APPL1: variants seen among roughly 807,000 people sequenced by gnomAD.
APPL1 encodes the protein adaptor protein, phosphotyrosine interacting with PH domain and leucine zipper 1, also known as DCC-interacting protein 13-alpha.
Under a neutral mutation model 106.8 loss-of-function variants are expected in APPL1, and 42 were observed. The ratio of observed to expected loss-of-function variants is 0.39; its 90% CI spans 0.31 to 0.51. The LOEUF (loss-of-function observed/expected upper bound fraction) is 0.51. Among genes scored for constraint, APPL1 ranks in the 20% least tolerant of loss-of-function variants. The pLI is 0.75. For synonymous variants in APPL1, 263 were observed against 281.8 expected, an observed-to-expected ratio of 0.93 and a Z score of 0.67; for missense variants, 769 against 858.2, an observed-to-expected ratio of 0.90 and a Z score of 1.30.
chr3:57,241,156 T>A (rs1374194245), intron 5 of APPL1, among the ~76,000 whole-genome samples: 2 of 152,138 alleles, frequency 1.3e-5, no homozygotes, highest in Non-Finnish European at 2.9e-5. Context: ...AGAGACACAA[T>A]TCCTTTGGAG....
intron 8 of APPL1, 112 bp downstream of exon 8, chr3:57,246,334 G>C: frequency 1.3e-6 from 1 of 780,074 alleles, no homozygotes; most frequent in Non-Finnish European, 1.8e-6. Context: ...CCTTGTTTAT[G>C]TCTGTGTTTT....
chr3:57,262,813 G>GGTGT (rs4060605), intron 19 of APPL1, among the ~76,000 whole-genome samples: 291 of 142,740 alleles, frequency 2.0e-3, no homozygotes, highest in Middle Eastern at 7.3e-3. Flanking sequence ...GGGTACAAGG[G>GGTGT]GTGTGTGTGT....
At position 57,247,539 on chromosome 3, in the gene APPL1, A is replaced by G. The variant is rs756359927; in HGVS notation, c.704+62A>G. The G allele has an allele frequency of 8.6e-6, 9 of 1,042,966 alleles. No homozygotes were observed. In the Admixed American group the frequency reaches 1.9e-4, roughly 22 times the overall value. 64.6% of individuals were successfully genotyped at this position (1,042,966 alleles called of 1,614,324 possible). Reference sequence around the variant, plus strand: ...ATGTGAATGATAACAGCTCAATGACATAATGTAAAGATATTTATCATTTAC... The same window carrying G: ...ATGTGAATGATAACAGCTCAATGACGTAATGTAAAGATATTTATCATTTAC... On this transcript the variant is annotated intron_variant, in intron 9 of 21. Coordinates refer to ENST00000288266, the MANE Select transcript of APPL1 (RefSeq NM_012096.3).
At chr3:57,249,940 C>T (rs1433659809) in intron 11 of APPL1, among the ~76,000 whole-genome samples, 4 of 148,324 alleles carry the variant, frequency 2.7e-5, no homozygotes, top group East Asian at 4.2e-4. Flanking sequence ...AACCCCTCTC[C>T]GCTCCATTTT....
intron 19 of APPL1, among the ~76,000 whole-genome samples, chr3:57,264,586 A>T (rs1240890842): frequency 6.6e-6 from 1 of 150,636 alleles, no homozygotes; most frequent in Non-Finnish European, 1.5e-5. Flanking sequence ...AAAAAATAAA[A>T]AAAAATTTTT....
At chr3:57,258,931 T>A in intron 15 of APPL1, 97 bp from the exon 16 acceptor site, 2 of 929,310 alleles carry the variant, frequency 2.2e-6, no homozygotes, top group Non-Finnish European at 3.3e-6. Context: ...TAGAGCTTTT[T>A]TTTTTTAAAT....
At chr3:57,254,008 G>A (rs180733785) in intron 13 of APPL1, among the ~76,000 whole-genome samples, 54 of 152,170 alleles carry the variant, frequency 3.5e-4, no homozygotes, top group Non-Finnish European at 5.9e-4. Flanking sequence ...GATTACAGGC[G>A]TGTGCCATGA....
At chr3:57,235,372 C>G (rs908823035) in intron 1 of APPL1, among the ~76,000 whole-genome samples, 194 bp from the exon 2 acceptor site, 2 of 151,980 alleles carry the variant, frequency 1.3e-5, no homozygotes, top group African/African-American at 2.4e-5. Flanking sequence ...GAAAATACCT[C>G]TGCTTTGTTG....
chr3:57,247,333 A>G (rs2060779353), intron 8 of APPL1, 62 bp from the exon 9 acceptor site: 1 of 906,356 alleles, frequency 1.1e-6, no homozygotes, highest in Non-Finnish European at 1.8e-6. Flanking sequence ...TATATGATTT[A>G]CTTTAAGTAT....
intron 21 of APPL1, 126 bp downstream of exon 21, chr3:57,268,613 A>T (rs2060911844): frequency 5.4e-6 from 6 of 1,108,058 alleles, no homozygotes; most frequent in East Asian, 2.5e-5. Context: ...TCATAAACAG[A>T]TGATTCATAC....
chr3:57,250,831 G>T (rs1174020819), intron 11 of APPL1, among the ~76,000 whole-genome samples: 2 of 119,406 alleles, frequency 1.7e-5, no homozygotes, highest in Non-Finnish European at 3.3e-5. Context: ...TTTTTGAGAC[G>T]GAGTCTCGCT....
At chr3:57,254,718 G>A (rs372858024) in intron 13 of APPL1, among the ~76,000 whole-genome samples, 68 of 152,256 alleles carry the variant, frequency 4.5e-4, no homozygotes, top group African/African-American at 1.3e-3. Context: ...TCTGCCTCCC[G>A]GGTTCAAGCG....
intron 19 of APPL1, among the ~76,000 whole-genome samples, chr3:57,261,329 T>C (rs985705019): frequency 3.3e-5 from 5 of 152,250 alleles, no homozygotes; most frequent in African/African-American, 1.2e-4. Flanking sequence ...ATTGTGTATA[T>C]GTACCACATT....
intron 19 of APPL1, among the ~76,000 whole-genome samples, chr3:57,263,789 T>C (rs2060880654): frequency 6.6e-6 from 1 of 151,790 alleles, no homozygotes; most frequent in Admixed American, 6.6e-5. Flanking sequence ...TCCATTCATC[T>C]GTTGATGGAC....
At chr3:57,251,358 T>G (rs1450876906) in intron 11 of APPL1, among the ~76,000 whole-genome samples, 1 of 151,372 alleles carries the variant, frequency 6.6e-6, no homozygotes, top group Non-Finnish European at 1.5e-5. Flanking sequence ...ATCCAGTCTC[T>G]ACTAAAAATA....
At chr3:57,258,771 T>G (rs972402333) in intron 15 of APPL1, 1 of 332,028 alleles carries the variant, frequency 3.0e-6, no homozygotes, top group Non-Finnish European at 5.4e-6. Context: ...CATGGTTTAT[T>G]ATGTTGATTT....
intron 13 of APPL1, among the ~76,000 whole-genome samples, chr3:57,255,014 A>G (rs1160736092): frequency 6.6e-6 from 1 of 152,238 alleles, no homozygotes; most frequent in Non-Finnish European, 1.5e-5. Flanking sequence ...ATGATTCAGT[A>G]TGTCTGGGGT....
In APPL1 at chr3:57,240,553, G is replaced by C; in HGVS notation, c.373+1G>C. On this transcript the variant is annotated splice_donor_variant, in intron 5 of 21. Transcript: ENST00000288266. LOFTEE classifies it high-confidence loss of function. ...CAGTTTAAAGAAAGAGATCTGAAAG[G>C]TATTGAAGTCAAGCTTATGTTTACT... The C allele has an allele frequency of 6.2e-7, 1 of 1,611,704 alleles. No individual in the cohort carries two copies. Among genetic ancestry groups the C allele is most frequent in the South Asian group, 1.1e-5 (1 of 91,046 alleles).
Position 57,248,217 on chromosome 3 carries a change from T to G in APPL1, c.729T>G (p.Asp243Glu), listed in dbSNP as rs2060784812. The G allele has an allele frequency of 6.2e-7, 1 of 1,614,112 alleles. No individual in the cohort carries two copies. Among genetic ancestry groups the G allele is most frequent in the Non-Finnish European group, 8.5e-7 (1 of 1,180,010 alleles). The part of the protein sequence containing the change: ...VQNVRREMDS[D>E]IETMQQTIED... ...GTGTTCGCAGGGAAATGGACAGTGATATAGAGACCATGCAACAGACAATAG... is the reference window on the plus strand; with the variant it reads ...GTGTTCGCAGGGAAATGGACAGTGAGATAGAGACCATGCAACAGACAATAG... Residue 243 changes from aspartate (D) to glutamate (E), a missense_variant, in exon 10 of 22, where the codon GAT becomes GAG. Transcript: ENST00000288266.
Sources: allele counts gnomAD v4.1 joint callset (sites outside exome capture counted in the v4.1 genomes callset), GRCh38; gene constraint gnomAD v4.1.1; transcripts MANE v1.5; gene names NCBI Gene and HGNC (gene_info 2026-07-23, HGNC 2026-07-21).